PRELID2: variants seen among roughly 807,000 people sequenced by gnomAD.
PRELID2 encodes PRELI domain containing 2.
A neutral mutation model predicts 28.4 loss-of-function variants in PRELID2; 25 were observed. The ratio of observed to expected loss-of-function variants is 0.88; its 90% CI spans 0.64 to 1.23. The LOEUF is 1.23. PRELID2 is among the 50% of genes most tolerant of loss of function. The pLI is 0.00. For missense variants in PRELID2, 201 were observed against 214.4 expected (o/e 0.94, Z 0.39); for synonymous variants, 76 against 71.6 (o/e 1.06, Z -0.31).
chr5:145,823,230 T>C, intron 1 of PRELID2, 96 bp from the exon 2 acceptor site: 1 of 605,552 alleles, frequency 1.7e-6, no homozygotes, highest in Non-Finnish European at 3.0e-6. Flanking sequence ...TAGTAAATAT[T>C]TTCCAAGAAA....
intron 1 of PRELID2, among the ~76,000 whole-genome samples, chr5:145,729,659 T>C (rs1024633716): frequency 1.3e-5 from 2 of 152,232 alleles, no homozygotes; most frequent in Non-Finnish European, 2.9e-5. Flanking sequence ...CATCCTTGGG[T>C]GTCCGTTGAC....
At chr5:145,408,022 T>A in the PRELID2 span, among the ~76,000 whole-genome samples, 1 of 152,026 alleles carries the variant, frequency 6.6e-6, no homozygotes, top group Non-Finnish European at 1.5e-5. Flanking sequence ...GTAGCCCTAC[T>A]GGGTGGCTAG....
At chr5:145,456,800 C>T in the PRELID2 span, among the ~76,000 whole-genome samples, 8 of 152,216 alleles carry the variant, frequency 5.3e-5, no homozygotes, top group African/African-American at 1.9e-4. Context: ...TTTAAAGTAA[C>T]AATCTTTTAC....
intron 1 of PRELID2, among the ~76,000 whole-genome samples, chr5:145,672,259 C>T (rs1194420757): frequency 6.6e-6 from 1 of 152,126 alleles, no homozygotes; most frequent in Admixed American, 6.6e-5. Flanking sequence ...ATATCAGCAT[C>T]ATCTTTCACA....
At chr5:145,513,733 G>C (rs142966041) in intron 1 of PRELID2, among the ~76,000 whole-genome samples, 1 of 152,068 alleles carries the variant, frequency 6.6e-6, no homozygotes, top group Non-Finnish European at 1.5e-5. Context: ...AAATGTTAAG[G>C]ACAGTCCCAG....
chr5:145,764,505 A>G (rs1316704684), intron 6 of PRELID2, among the ~76,000 whole-genome samples: 1 of 152,228 alleles, frequency 6.6e-6, no homozygotes, highest in Non-Finnish European at 1.5e-5. Flanking sequence ...TATGACTAAT[A>G]AGAGATATTT....
At chr5:145,829,820 A>G (rs1294046163) in intron 1 of PRELID2, among the ~76,000 whole-genome samples, 2 of 152,224 alleles carry the variant, frequency 1.3e-5, no homozygotes, top group East Asian at 3.8e-4. Context: ...TGCAAGGGAG[A>G]AAAGATAGGA....
At chr5:145,547,194 A>C (rs930161547) in intron 1 of PRELID2, among the ~76,000 whole-genome samples, 1 of 152,164 alleles carries the variant, frequency 6.6e-6, no homozygotes, top group African/African-American at 2.4e-5. Flanking sequence ...TTGGAGTCAA[A>C]CTGGAGGAAC....
the PRELID2 span, among the ~76,000 whole-genome samples, chr5:145,417,635 A>G: frequency 6.6e-6 from 1 of 152,202 alleles, no homozygotes; most frequent in African/African-American, 2.4e-5. Flanking sequence ...AAACAGAACT[A>G]ATGACAAAAC....
At chr5:145,501,991 C>T (rs1449663410) in intron 1 of PRELID2, among the ~76,000 whole-genome samples, 6 of 152,168 alleles carry the variant, frequency 3.9e-5, no homozygotes, top group African/African-American at 1.4e-4. Flanking sequence ...CTCACACACA[C>T]CCCTAGAAAC....
chr5:145,254,534 A>G, the PRELID2 span, among the ~76,000 whole-genome samples: 1 of 152,228 alleles, frequency 6.6e-6, no homozygotes, highest in South Asian at 2.1e-4. Context: ...CTGAAGGCAC[A>G]GGCTCATGTA....
intron 5 of PRELID2, among the ~76,000 whole-genome samples, chr5:145,794,718 A>G (rs1157475180): frequency 1.3e-5 from 2 of 152,168 alleles, no homozygotes; most frequent in Non-Finnish European, 2.9e-5. Context: ...GGGAATTCTC[A>G]TTCTCATTAA....
intron 1 of PRELID2, among the ~76,000 whole-genome samples, chr5:145,677,152 GT>G (rs756255750): frequency 0.028 from 3,428 of 123,970 alleles, 28 homozygotes; most frequent in African/African-American, 0.068. Context: ...TTTGGTTTTG[GT>G]TTTTTTTTTT....
chr5:145,414,474 T>A, the PRELID2 span, among the ~76,000 whole-genome samples: 1 of 152,220 alleles, frequency 6.6e-6, no homozygotes, highest in Non-Finnish European at 1.5e-5. Flanking sequence ...ACTTATTTAT[T>A]ATTATTTCCT....
At chr5:145,494,218 A>G (rs1752290457) in intron 1 of PRELID2, among the ~76,000 whole-genome samples, 1 of 152,210 alleles carries the variant, frequency 6.6e-6, no homozygotes, top group Non-Finnish European at 1.5e-5. Context: ...TCCTAATCCA[A>G]AGACTATGCC....
chr5:145,407,291 C>A, the PRELID2 span, among the ~76,000 whole-genome samples: 27 of 152,240 alleles, frequency 1.8e-4, 1 homozygote, highest in East Asian at 5.2e-3. Flanking sequence ...GGGAGTGAGA[C>A]TGGAGACTGG....
In PRELID2 at chr5:145,741,731, T is replaced by A. The variant is rs184994673; in HGVS notation, n.70+23200A>T. Among the ~76,000 whole-genome samples, 425 of 101,476 alleles carry A rather than the reference T, an allele frequency of 4.2e-3. 156 individuals carry two copies. The highest frequency in any genetic ancestry group is 0.019 in the East Asian group (63 of 3,264). The allele number at this position is 101,476 out of a possible 152,430, so 66.6% of individuals were successfully genotyped here. A position where few individuals can be genotyped will look rare whatever the true frequency, so the allele number is the denominator to read the frequency against. On this transcript the variant is annotated intron_variant and non_coding_transcript_variant, in intron 1 of 2. Coordinates refer to the PRELID2 transcript ENST00000510259. ...TTATTTATATATAAATAAAATTTAT[T>A]TATAAATAATTTATTTATATATTAA...
chr5:145,449,782 T>A, the PRELID2 span, among the ~76,000 whole-genome samples: 1 of 152,108 alleles, frequency 6.6e-6, no homozygotes, highest in Non-Finnish European at 1.5e-5. Context: ...ACAGTGATTA[T>A]TGTCATTATA....
the PRELID2 span, among the ~76,000 whole-genome samples, chr5:145,342,706 A>AT: frequency 5.2e-3 from 768 of 146,840 alleles, 7 homozygotes; most frequent in East Asian, 0.024. Context: ...TGGGGGTGTC[A>AT]TTTTTTTTTT....
Sources: allele counts gnomAD v4.1 joint callset (sites outside exome capture counted in the v4.1 genomes callset), GRCh38; gene constraint gnomAD v4.1.1; transcripts MANE v1.5; gene names NCBI Gene and HGNC (gene_info 2026-07-23, HGNC 2026-07-21).